The following STT3B variants were observed in gnomAD, a reference collection of about 807,000 sequenced individuals.
STT3B encodes the protein dolichyl-diphosphooligosaccharide--protein glycosyltransferase subunit STT3B.
In STT3B, 29 loss-of-function variants were observed where a neutral mutation model predicts 96.8. That is an observed-to-expected ratio of 0.30 (90% CI 0.22 to 0.41). STT3B has a LOEUF of 0.41. Ranked by LOEUF, STT3B falls within the 10% of genes least tolerant of loss-of-function variation. The pLI is 1.00. For synonymous variants in STT3B, 367 were observed against 360.0 expected, an observed-to-expected ratio of 1.02 and a Z score of -0.22; for missense variants, 640 against 1,022.3, an observed-to-expected ratio of 0.63 and a Z score of 5.10.
chr3:31,536,530 CAGT>C (rs1369772056), intron 1 of STT3B, among the ~76,000 whole-genome samples: 1 of 152,060 alleles, frequency 6.6e-6, no homozygotes, highest in Non-Finnish European at 1.5e-5. Flanking sequence ...TTAAATTTTA[CAGT>C]AGTTCTTAAA....
Position 31,623,616 on chromosome 3 carries a change from T to C in STT3B, c.1540-58T>C. The C allele has an allele frequency of 3.0e-6, 4 of 1,350,000 alleles. No homozygotes were observed. In the East Asian group the frequency reaches 7.1e-5, roughly 24 times the overall value. The allele number at this position is 1,350,000 out of a possible 1,614,324, so 83.6% of individuals were successfully genotyped here. A position where few individuals can be genotyped will look rare whatever the true frequency, so the allele number is the denominator to read the frequency against. On this transcript the variant is annotated intron_variant, in intron 10 of 15. Transcript: ENST00000295770. Reference sequence around the variant, plus strand: ...GTCTCTCAACTTTTTCCATTGAGTATCTTAATGAAGCAAGTCAAATAATGA... The same window carrying C: ...GTCTCTCAACTTTTTCCATTGAGTACCTTAATGAAGCAAGTCAAATAATGA...
chr3:31,534,388 C>G (rs1009525575), intron 1 of STT3B, among the ~76,000 whole-genome samples: 1 of 152,108 alleles, frequency 6.6e-6, no homozygotes, highest in Non-Finnish European at 1.5e-5. Context: ...TTGCCCAACC[C>G]GAGTTAGGAT....
At chr3:31,564,319 C>T (rs952400938) in intron 1 of STT3B, among the ~76,000 whole-genome samples, 1 of 152,134 alleles carries the variant, frequency 6.6e-6, no homozygotes, top group East Asian at 1.9e-4. Context: ...ATTAACTTTA[C>T]TATATATACC....
intron 1 of STT3B, among the ~76,000 whole-genome samples, chr3:31,574,596 C>A (rs944122145): frequency 4.0e-4 from 61 of 152,040 alleles, no homozygotes; most frequent in Admixed American, 3.6e-3. Flanking sequence ...GTAAATACTT[C>A]TTGGAAGAGG....
intron 1 of STT3B, among the ~76,000 whole-genome samples, chr3:31,551,495 G>C (rs1009008075): frequency 6.6e-6 from 1 of 152,152 alleles, no homozygotes; most frequent in Non-Finnish European, 1.5e-5. Context: ...GGGATTACCT[G>C]CATGAGCCAC....
intron 5 of STT3B, among the ~76,000 whole-genome samples, chr3:31,609,020 C>T (rs1246278990): frequency 1.3e-5 from 2 of 152,148 alleles, no homozygotes; most frequent in African/African-American, 4.8e-5. Context: ...GAGGCCGAGG[C>T]AGGAGAGTTG....
chr3:31,626,672 T>TTTG (rs1559392462), intron 13 of STT3B, among the ~76,000 whole-genome samples: 23 of 152,316 alleles, frequency 1.5e-4, no homozygotes, highest in Non-Finnish European at 2.5e-4. Context: ...GCACTAGGTC[T>TTTG]AGTTCTAGGA....
At chr3:31,563,073 A>G (rs1460819283) in intron 1 of STT3B, among the ~76,000 whole-genome samples, 1 of 152,088 alleles carries the variant, frequency 6.6e-6, no homozygotes, top group Non-Finnish European at 1.5e-5. Flanking sequence ...CCAGCCTCCT[A>G]CCTGATCCCA....
At chr3:31,580,527 G>A (rs1698360050) in intron 3 of STT3B, among the ~76,000 whole-genome samples, 1 of 151,960 alleles carries the variant, frequency 6.6e-6, no homozygotes, top group Admixed American at 6.6e-5. Flanking sequence ...TGCTACTTGG[G>A]TTCACTTTAG....
At chr3:31,597,747 C>T (rs960751519) in intron 4 of STT3B, among the ~76,000 whole-genome samples, 1 of 152,074 alleles carries the variant, frequency 6.6e-6, no homozygotes, top group Non-Finnish European at 1.5e-5. Context: ...GCAAGAGCTG[C>T]CGTGCCTGTT....
chr3:31,580,544 C>G (rs1352264981), intron 3 of STT3B, among the ~76,000 whole-genome samples: 1 of 152,014 alleles, frequency 6.6e-6, no homozygotes, highest in African/African-American at 2.4e-5. Flanking sequence ...TTAGAGCTTG[C>G]ATTTATTTAT....
At chr3:31,553,118 A>C (rs1447380370) in intron 1 of STT3B, among the ~76,000 whole-genome samples, 4 of 151,780 alleles carry the variant, frequency 2.6e-5, no homozygotes, top group African/African-American at 9.7e-5. Flanking sequence ...AAAAAAAAAA[A>C]ACCAAATAAA....
intron 1 of STT3B, among the ~76,000 whole-genome samples, chr3:31,558,067 A>G (rs1697766683): frequency 6.6e-6 from 1 of 152,236 alleles, no homozygotes; most frequent in African/African-American, 2.4e-5. Flanking sequence ...TATTAGCTCT[A>G]AGAGTTTTTT....
chr3:31,549,848 A>C (rs555097499), intron 1 of STT3B, among the ~76,000 whole-genome samples: 1 of 152,366 alleles, frequency 6.6e-6, no homozygotes, highest in African/African-American at 2.4e-5. Context: ...ATAAAGAGAA[A>C]GAACACTTGT....
chr3:31,589,544 T>G (rs1698618972), intron 3 of STT3B, among the ~76,000 whole-genome samples: 1 of 151,916 alleles, frequency 6.6e-6, no homozygotes, highest in South Asian at 2.1e-4. Context: ...GATTATGAAT[T>G]TATTTCTGGA....
At chr3:31,541,472 G>GTTTTTTTTTTTTTTTTTTTTTTTTTTTTT (rs1302731899) in intron 1 of STT3B, among the ~76,000 whole-genome samples, 3 of 106,938 alleles carry the variant, frequency 2.8e-5, no homozygotes, top group African/African-American at 3.4e-5. Flanking sequence ...TTCTTTTTTT[G>GTTTTTTTTTTTTTTTTTTTTTTTTTTTTT]TTTTTTTTTT....
chr3:31,559,146 G>GGT (rs55707310), intron 1 of STT3B, among the ~76,000 whole-genome samples: 3,328 of 116,434 alleles, frequency 0.029, 40 homozygotes, highest in African/African-American at 0.042. Context: ...TGATTCTTGG[G>GGT]GTGTGTGTGT....
intron 1 of STT3B, among the ~76,000 whole-genome samples, chr3:31,545,856 T>G (rs1046077012): frequency 6.6e-6 from 1 of 151,168 alleles, no homozygotes; most frequent in Non-Finnish European, 1.5e-5. Context: ...ATCGTTAGTG[T>G]ATTTTATGTG....
At chr3:31,594,818 A>T (rs2125460619) in intron 3 of STT3B, among the ~76,000 whole-genome samples, 1 of 152,262 alleles carries the variant, frequency 6.6e-6, no homozygotes, top group Middle Eastern at 3.4e-3. Flanking sequence ...ACCCTAAATT[A>T]TACAGATAAA....
Sources: allele counts gnomAD v4.1 joint callset (sites outside exome capture counted in the v4.1 genomes callset), GRCh38; gene constraint gnomAD v4.1.1; transcripts MANE v1.5; gene names NCBI Gene and HGNC (gene_info 2026-07-23, HGNC 2026-07-21).